RSPO2: variants seen among roughly 807,000 people sequenced by gnomAD.
RSPO2 encodes R-spondin-2.
Under a neutral mutation model 30.9 loss-of-function variants are expected in RSPO2, and 14 were observed. The observed-to-expected ratio is 0.45, with a 90% CI of 0.30 to 0.71. RSPO2 has a LOEUF of 0.71. Among genes scored for constraint, RSPO2 ranks in the 30% least tolerant of loss-of-function variants. The probability of loss-of-function intolerance (pLI) is 0.08; values close to 1 mark genes in which losing one functional copy is unlikely to be tolerated. For missense variants in RSPO2, 264 were observed against 301.9 expected (o/e 0.87, Z 0.93); for synonymous variants, 107 against 96.4 (o/e 1.11, Z -0.64).
intron 2 of RSPO2, among the ~76,000 whole-genome samples, chr8:108,045,856 G>A (rs1286983814): frequency 9.9e-5 from 15 of 152,030 alleles, no homozygotes; most frequent in Non-Finnish European, 2.1e-4. Context: ...TCGACACTCC[G>A]GAATATATCT....
chr8:107,981,956 C>T (rs1383561806), intron 3 of RSPO2, among the ~76,000 whole-genome samples: 2 of 130,194 alleles, frequency 1.5e-5, no homozygotes, highest in Non-Finnish European at 3.1e-5. Flanking sequence ...ATCCCTTCAG[C>T]ACAGAAGGGA....
intron 5 of RSPO2, among the ~76,000 whole-genome samples, chr8:107,947,720 C>T (rs945061209): frequency 2.0e-5 from 3 of 152,202 alleles, no homozygotes; most frequent in African/African-American, 7.2e-5. Flanking sequence ...CATCTTCAGT[C>T]AGCTTTCTAC....
intron 2 of RSPO2, among the ~76,000 whole-genome samples, chr8:108,042,327 C>T (rs908415011): frequency 6.6e-6 from 1 of 152,060 alleles, no homozygotes; most frequent in African/African-American, 2.4e-5. Flanking sequence ...TGAATGAATG[C>T]AGTAGACTAC....
intron 2 of RSPO2, among the ~76,000 whole-genome samples, chr8:108,056,068 G>A (rs924460628): frequency 6.6e-6 from 1 of 152,138 alleles, no homozygotes; most frequent in Non-Finnish European, 1.5e-5. Context: ...GTCATTTGAG[G>A]ATTAAATAAT....
chr8:107,958,692 C>T (rs1334692902), intron 4 of RSPO2, among the ~76,000 whole-genome samples: 1 of 152,148 alleles, frequency 6.6e-6, no homozygotes, highest in Non-Finnish European at 1.5e-5. Flanking sequence ...TGCTCTCCCT[C>T]CCCGCATCGC....
Position 108,004,712 on chromosome 8 carries a change from T to C in RSPO2, c.95-15468A>G, listed in dbSNP as rs1815393005. Among the ~76,000 whole-genome samples, 3 of 152,334 alleles carry C rather than the reference T, an allele frequency of 2.0e-5. No individual in the cohort carries two copies. In the South Asian group the frequency reaches 6.2e-4, roughly 32 times the overall value. On this transcript the variant is annotated intron_variant, in intron 2 of 5. Transcript: ENST00000276659. ...CCAGATATGTATATAGACATGTAGG[T>C]TTATACATATGTAATATATGTGTGT...
chr8:107,929,651 T>C (rs144454773), intron 5 of RSPO2, among the ~76,000 whole-genome samples: 3 of 152,194 alleles, frequency 2.0e-5, no homozygotes, highest in South Asian at 2.1e-4. Flanking sequence ...GACTTCAAAA[T>C]TGCTGAAGGA....
At chr8:107,946,976 A>T (rs1371071833) in intron 5 of RSPO2, among the ~76,000 whole-genome samples, 10 of 152,238 alleles carry the variant, frequency 6.6e-5, no homozygotes, top group Non-Finnish European at 1.5e-4. Flanking sequence ...CAGCAGGAAG[A>T]GCTGTAAGCA....
intron 2 of RSPO2, chr8:107,997,055 A>T: frequency 4.2e-6 from 1 of 239,116 alleles, no homozygotes; most frequent in Non-Finnish European, 8.5e-6. Context: ...GTGCTGAAGG[A>T]CAAGAGCCCA....
intron 2 of RSPO2, among the ~76,000 whole-genome samples, chr8:108,044,244 G>A (rs573996188): frequency 1.3e-5 from 2 of 151,442 alleles, no homozygotes; most frequent in African/African-American, 4.8e-5. Flanking sequence ...GTGTTTTTTT[G>A]TAATTATTTT....
At chr8:108,023,890 C>T (rs917697444) in intron 2 of RSPO2, among the ~76,000 whole-genome samples, 1 of 152,088 alleles carries the variant, frequency 6.6e-6, no homozygotes, top group Non-Finnish European at 1.5e-5. Context: ...GTCTCAATTA[C>T]AGCTATAAAA....
chr8:108,055,017 G>T (rs200530423), intron 2 of RSPO2, among the ~76,000 whole-genome samples: 1 of 152,022 alleles, frequency 6.6e-6, no homozygotes, highest in Non-Finnish European at 1.5e-5. Context: ...GCTACTCAGG[G>T]GGCTGAGGTG....
chr8:107,962,655 C>T (rs184893652), intron 3 of RSPO2, among the ~76,000 whole-genome samples: 3 of 152,172 alleles, frequency 2.0e-5, no homozygotes, highest in Admixed American at 6.6e-5. Context: ...AACTACATGA[C>T]CATTATGTCC....
chr8:108,065,167 TAAGTTA>T (rs1812622452), intron 2 of RSPO2, among the ~76,000 whole-genome samples: 1 of 146,470 alleles, frequency 6.8e-6, no homozygotes, highest in Non-Finnish European at 1.5e-5. Flanking sequence ...ATTTAAAGTA[TAAGTTA>T]AAAAAAAAAG....
At chr8:107,927,978 C>G (rs1451197087) in intron 5 of RSPO2, among the ~76,000 whole-genome samples, 3 of 152,072 alleles carry the variant, frequency 2.0e-5, no homozygotes, top group Non-Finnish European at 4.4e-5. Flanking sequence ...AAATTCCTAA[C>G]TAATCAGAAA....
rs531020582 is a variant in RSPO2, at chr8:107,930,270, GA to G, written c.616+27809del. Among the ~76,000 whole-genome samples the G allele has an allele frequency of 2.0e-3, 297 of 152,274 alleles. 4 individuals carry two copies. The highest frequency in any genetic ancestry group is 6.8e-3 in the African/African-American group (281 of 41,550). On this transcript the variant is annotated intron_variant, in intron 5 of 5. Transcript: ENST00000276659. ...AGAGGTACTAAGTAAAGAAGCTTAC[GA>G]ACCCCAAAGATTTCACTCTTTAACA...
intron 2 of RSPO2, among the ~76,000 whole-genome samples, chr8:108,082,278 C>T (rs564399438): frequency 6.6e-6 from 1 of 152,298 alleles, no homozygotes; most frequent in South Asian, 2.1e-4. Flanking sequence ...GAGTGCGGAC[C>T]GCACGACTTA....
At chr8:107,971,549 G>C (rs1813999214) in intron 3 of RSPO2, among the ~76,000 whole-genome samples, 1 of 152,174 alleles carries the variant, frequency 6.6e-6, no homozygotes, top group Non-Finnish European at 1.5e-5. Flanking sequence ...CTGTGGACCA[G>C]TACATTAAAC....
At chr8:108,040,404 T>G (rs1811717625) in intron 2 of RSPO2, among the ~76,000 whole-genome samples, 1 of 151,820 alleles carries the variant, frequency 6.6e-6, no homozygotes, top group Non-Finnish European at 1.5e-5. Flanking sequence ...GAAAGACACT[T>G]TAGACAAGAA....
Sources: allele counts gnomAD v4.1 joint callset (sites outside exome capture counted in the v4.1 genomes callset), GRCh38; gene constraint gnomAD v4.1.1; transcripts MANE v1.5; gene names NCBI Gene and HGNC (gene_info 2026-07-23, HGNC 2026-07-21).